Variants in ABL2 observed in about 807,000 individuals in gnomAD.
ABL2 encodes ABL proto-oncogene 2, non-receptor tyrosine kinase.
Under a neutral mutation model 107.7 loss-of-function variants are expected in ABL2, and 49 were observed. The observed-to-expected ratio is 0.45, with a 90% CI of 0.36 to 0.58. ABL2 has a LOEUF of 0.58. Among genes scored for constraint, ABL2 ranks in the 20% least tolerant of loss-of-function variants. ABL2 has a pLI of 0.00. For missense variants in ABL2, 1,245 were observed against 1,457.0 expected (o/e 0.85, Z 2.37); for synonymous variants, 549 against 548.6 (o/e 1.00, Z -0.01).
Position 179,102,415 on chromosome 1 carries a change from C to T in ABL2, c.*5303G>A. 4.6e-6 allele frequency: 1 copy of T among 219,776 alleles called. No homozygotes were observed. The highest frequency in any genetic ancestry group is 6.7e-5 in the East Asian group (1 of 14,978). 13.6% of individuals were successfully genotyped at this position (219,776 alleles called of 1,614,324 possible). ...GACGTTTCAGAAGTTCTCACATACT[C>T]CTACGGATCCCAGACTGAAGCAGGA... On this transcript the variant is annotated 3_prime_UTR_variant, in exon 12 of 12. Coordinates refer to ENST00000502732, the MANE Select transcript of ABL2 (RefSeq NM_007314.4).
Position 179,100,251 on chromosome 1 carries a change from G to A in ABL2, c.*7467C>T, listed in dbSNP as rs1398758262. Reference sequence around the variant, plus strand: ...GAGAAATTGCTGTCAAAATGGAGGAGAGCTGGTTTCTCTGGCCCTCATCTA... The same window carrying A: ...GAGAAATTGCTGTCAAAATGGAGGAAAGCTGGTTTCTCTGGCCCTCATCTA... On this transcript the variant is annotated 3_prime_UTR_variant, in exon 12 of 12. Coordinates refer to ENST00000502732, the MANE Select transcript of ABL2 (RefSeq NM_007314.4). 4.4e-6 allele frequency: 1 copy of A among 227,832 alleles called. No individual in the cohort carries two copies. Among genetic ancestry groups the A allele is most frequent in the African/African-American group, 2.2e-5 (1 of 45,066 alleles). The allele number at this position is 227,832 out of a possible 1,614,324, so 14.1% of individuals were successfully genotyped here.
Position 179,099,904 on chromosome 1 carries a change from T to A in ABL2, c.*7814A>T, listed in dbSNP as rs948975812. ...TTCTGAGTATACATCAACAGCTAAG[T>A]CAGCCTGTTCACAGTCAACACACCA... On this transcript the variant is annotated 3_prime_UTR_variant, in exon 12 of 12. Coordinates refer to ENST00000502732, the MANE Select transcript of ABL2 (RefSeq NM_007314.4). 2 of 232,532 alleles carry A rather than the reference T, an allele frequency of 8.6e-6. No homozygotes were observed. The highest frequency in any genetic ancestry group is 1.7e-5 in the Non-Finnish European group (2 of 117,726). 14.4% of individuals were successfully genotyped at this position (232,532 alleles called of 1,614,324 possible). A position where few individuals can be genotyped will look rare whatever the true frequency, so the allele number is the denominator to read the frequency against.
chr1:179,147,650 G>A (rs1470492294), intron 1 of ABL2, among the ~76,000 whole-genome samples: 1 of 152,136 alleles, frequency 6.6e-6, no homozygotes, highest in Admixed American at 6.5e-5. Context: ...CATTGTAAGC[G>A]GGAGCTAAAC....
Position 179,184,331 on chromosome 1 carries a change from A to G in ABL2, c.157+44910T>C, listed in dbSNP as rs945078822. On this transcript the variant is annotated intron_variant, in intron 1 of 11. Transcript: ENST00000502732. Reference sequence around the variant, plus strand: ...TGAATGAGAGTGGTATTCCATCTTCAAAGTCCACTGAAATCAAATGGAAAG... The same window carrying G: ...TGAATGAGAGTGGTATTCCATCTTCGAAGTCCACTGAAATCAAATGGAAAG... 8.7e-6 allele frequency: 5 copies of G among 573,354 alleles called. No homozygotes were observed. In the Admixed American group the frequency reaches 9.2e-5, roughly 10 times the overall value. The allele number at this position is 573,354 out of a possible 1,614,324, so 35.5% of individuals were successfully genotyped here.
rs1306239852 is a variant in ABL2 at position 179,114,988 on chromosome 1, G to C, written c.1451C>G (p.Ser484Ter). Reference sequence around the variant, plus strand: ...AGACAGGTCAATACCTGGATATGGTGACATTCCATAGGTAGCAATTTCCCA... The same window carrying C: ...AGACAGGTCAATACCTGGATATGGTCACATTCCATAGGTAGCAATTTCCCA... ...LLWEIATYGM[S>*]PYPGIDLSQV... Residue 484 changes from serine to a stop codon, truncating the protein, a stop_gained, in exon 9 of 12, where the codon TCA (serine) becomes TGA (stop). Transcript: ENST00000502732. LOFTEE classifies it high-confidence loss of function. 6.2e-7 allele frequency: 1 copy of C among 1,608,654 alleles called. No homozygotes were observed. Among genetic ancestry groups the C allele is most frequent in the Non-Finnish European group, 8.5e-7 (1 of 1,177,886 alleles).
At chr1:179,133,048 G>A (rs1427251031) in intron 2 of ABL2, among the ~76,000 whole-genome samples, 1 of 150,500 alleles carries the variant, frequency 6.6e-6, no homozygotes, top group Admixed American at 6.6e-5. Context: ...CAGTAGAGAC[G>A]AAGTTTCACC....
intron 2 of ABL2, 54 bp downstream of exon 2, chr1:179,133,258 C>CA: frequency 6.2e-7 from 1 of 1,609,110 alleles, no homozygotes; most frequent in Non-Finnish European, 8.5e-7. Context: ...CCCTGTTCTC[C>CA]ATCTCTACTG....
In ABL2 at chr1:179,105,679, C is replaced by T. The variant is rs1386865292; in HGVS notation, c.*2039G>A. On this transcript the variant is annotated 3_prime_UTR_variant, in exon 12 of 12. Transcript: ENST00000502732. Reference sequence around the variant, plus strand: ...AGCACCGCGTGTCTCCTCTAATCCTCTTAACCTGGGCCTCCTTTGGAGCAG... The same window carrying T: ...AGCACCGCGTGTCTCCTCTAATCCTTTTAACCTGGGCCTCCTTTGGAGCAG... 4.4e-6 allele frequency: 1 copy of T among 226,736 alleles called. No homozygotes were observed. The allele number at this position is 226,736 out of a possible 1,614,324, so 14.0% of individuals were successfully genotyped here.
intron 1 of ABL2, among the ~76,000 whole-genome samples, chr1:179,177,249 C>G (rs901282799): frequency 2.6e-5 from 4 of 152,126 alleles, no homozygotes; most frequent in African/African-American, 9.7e-5. Context: ...CTGTCAAGAC[C>G]ACTGAACCCT....
At chr1:179,138,678 C>T (rs1310560166) in intron 1 of ABL2, among the ~76,000 whole-genome samples, 1 of 152,180 alleles carries the variant, frequency 6.6e-6, no homozygotes, top group African/African-American at 2.4e-5. Context: ...AGTGTGCTGG[C>T]AGTCCTCACA....
At chr1:179,111,389 G>C (rs1654067898) in intron 10 of ABL2, among the ~76,000 whole-genome samples, 1 of 148,806 alleles carries the variant, frequency 6.7e-6, no homozygotes, top group Non-Finnish European at 1.5e-5. Context: ...GGGTTCAAGT[G>C]ATTCTCCTGC....
chr1:179,143,495 T>C (rs1402775390), intron 1 of ABL2, among the ~76,000 whole-genome samples: 2 of 152,198 alleles, frequency 1.3e-5, no homozygotes, highest in Non-Finnish European at 2.9e-5. Context: ...ACAAGACTCA[T>C]CTTTTACATC....
intron 1 of ABL2, among the ~76,000 whole-genome samples, chr1:179,176,099 C>A (rs1330429354): frequency 6.6e-6 from 1 of 152,032 alleles, no homozygotes; most frequent in East Asian, 1.9e-4. Context: ...AAGTGACCCG[C>A]CTGCCTCGGC....
At chr1:179,173,513 C>A (rs1659851761) in intron 1 of ABL2, among the ~76,000 whole-genome samples, 2 of 128,534 alleles carry the variant, frequency 1.6e-5, no homozygotes, top group Admixed American at 7.5e-5. Context: ...CAGGCACGTG[C>A]CGCCACGCCT....
intron 1 of ABL2, among the ~76,000 whole-genome samples, chr1:179,227,732 G>A (rs557531933): frequency 2.0e-5 from 3 of 152,216 alleles, no homozygotes; most frequent in East Asian, 1.9e-4. Context: ...TCATATACCC[G>A]AAAGAGACAC....
Position 179,100,599 on chromosome 1 carries a change from C to G in ABL2, c.*7119G>C, listed in dbSNP as rs896721554. 1.1e-4 allele frequency: 25 copies of G among 229,366 alleles called. No individual in the cohort carries two copies. The highest frequency in any genetic ancestry group is 6.8e-4 in the Admixed American group (12 of 17,648). The allele number at this position is 229,366 out of a possible 1,614,324, so 14.2% of individuals were successfully genotyped here. On this transcript the variant is annotated 3_prime_UTR_variant, in exon 12 of 12. Transcript: ENST00000502732. ...TTTCATAAAGCCTGCTAGCATTCGA[C>G]AGTTTGCCTCCAGCTTTTCTAAAAG...
chr1:179,212,236 G>A (rs546342698), intron 1 of ABL2, among the ~76,000 whole-genome samples: 61 of 152,274 alleles, frequency 4.0e-4, no homozygotes, highest in African/African-American at 1.4e-3. Flanking sequence ...CCCTTGACAC[G>A]TGGGGATTAT....
Position 179,106,588 on chromosome 1 carries a change from T to G in ABL2, c.*1130A>C, listed in dbSNP as rs548639116. The G allele has an allele frequency of 3.4e-5, 8 of 233,014 alleles. No homozygotes were observed. In the South Asian group the frequency reaches 1.4e-3, roughly 42 times the overall value. The allele number at this position is 233,014 out of a possible 1,614,324, so 14.4% of individuals were successfully genotyped here. ...GAGAGGAGAATGCCTCTCCCTATTC[T>G]CTACCTGGATTGGGCTTAAGGTGGT... is the stretch of plus-strand genomic sequence containing the variant. On this transcript the variant is annotated 3_prime_UTR_variant, in exon 12 of 12. Transcript: ENST00000502732.
intron 1 of ABL2, among the ~76,000 whole-genome samples, chr1:179,227,950 T>C (rs1232929093): frequency 6.8e-6 from 1 of 146,320 alleles, no homozygotes; most frequent in Non-Finnish European, 1.5e-5. Flanking sequence ...ACTCCGAGGC[T>C]GAGGCAGGAG....
Sources: gnomAD v4.1 joint callset for allele counts (sites outside exome capture counted in the v4.1 genomes callset) on GRCh38, gnomAD v4.1.1 for gene constraint, MANE v1.5 for transcripts, NCBI Gene and HGNC (gene_info 2026-07-23, HGNC 2026-07-21) for gene names.